Variants in GPC5 observed in about 807,000 individuals in gnomAD.
GPC5 encodes glypican-5.
In GPC5, 47 loss-of-function variants were observed where a neutral mutation model predicts 53.9. The ratio of observed to expected loss-of-function variants is 0.87; its 90% confidence interval spans 0.69 to 1.11. GPC5 has a LOEUF of 1.11. Among genes scored for constraint, GPC5 ranks in the 50% most tolerant of loss-of-function variants. GPC5 has a pLI of 0.00. For missense variants in GPC5, 748 were observed against 713.1 expected (o/e 1.05, Z -0.56); for synonymous variants, 286 against 263.3 (o/e 1.09, Z -0.84).
chr13:91,857,270 T>C (rs2138903805), intron 5 of GPC5, among the ~76,000 whole-genome samples: 1 of 151,458 alleles, frequency 6.6e-6, no homozygotes, highest in East Asian at 1.9e-4. Flanking sequence ...TATCAGTTTC[T>C]TCAAAATAGA....
At chr13:91,741,987 T>C (rs2036944382) in intron 4 of GPC5, among the ~76,000 whole-genome samples, 1 of 152,112 alleles carries the variant, frequency 6.6e-6, no homozygotes, top group Non-Finnish European at 1.5e-5. Context: ...AAAATAAAGG[T>C]CATGTTTTCA....
intron 5 of GPC5, among the ~76,000 whole-genome samples, chr13:91,851,733 G>A (rs2038916285): frequency 1.5e-5 from 2 of 136,112 alleles, no homozygotes; most frequent in Non-Finnish European, 3.1e-5. Context: ...TCCCACCTAT[G>A]AGTGAGAATA....
intron 6 of GPC5, among the ~76,000 whole-genome samples, chr13:92,031,714 CATATATGTAATATATTACATATT>C (rs2040844473): frequency 4.3e-5 from 1 of 23,146 alleles, no homozygotes; most frequent in African/African-American, 1.6e-4. Flanking sequence ...ATATATATTA[CATATATGTAATATATTACATATT>C]ATATATAATA....
chr13:92,000,560 A>AAATGACTTT (rs1366760960), intron 6 of GPC5, among the ~76,000 whole-genome samples: 2 of 152,192 alleles, frequency 1.3e-5, no homozygotes, highest in African/African-American at 4.8e-5. Context: ...TTTAGGCCTT[A>AAATGACTTT]AATGACTTTA....
At chr13:92,548,432 A>T (rs1298658771) in intron 7 of GPC5, among the ~76,000 whole-genome samples, 3 of 151,418 alleles carry the variant, frequency 2.0e-5, no homozygotes, top group Non-Finnish European at 4.4e-5. Context: ...GTTTTTAAAT[A>T]TATAAAATAT....
At chr13:92,543,460 G>A (rs542023161) in intron 7 of GPC5, among the ~76,000 whole-genome samples, 85 of 151,956 alleles carry the variant, frequency 5.6e-4, no homozygotes, top group Non-Finnish European at 1.0e-3. Context: ...TGTAGGGGAA[G>A]TGTGACTGCT....
intron 1 of GPC5, among the ~76,000 whole-genome samples, chr13:91,419,173 T>A (rs917026620): frequency 1.2e-4 from 18 of 152,128 alleles, no homozygotes; most frequent in African/African-American, 4.3e-4. Flanking sequence ...ATTCAATGTC[T>A]TAATAGTTTC....
intron 7 of GPC5, among the ~76,000 whole-genome samples, chr13:92,600,604 T>A (rs182482644): frequency 7.3e-5 from 11 of 151,678 alleles, no homozygotes; most frequent in Admixed American, 3.9e-4. Flanking sequence ...TTCAAGTGAA[T>A]CTCCTGCCTC....
chr13:92,231,826 C>T (rs1206341688), intron 7 of GPC5, among the ~76,000 whole-genome samples: 4 of 151,844 alleles, frequency 2.6e-5, no homozygotes, highest in Non-Finnish European at 5.9e-5. Flanking sequence ...ATTAGCTGGG[C>T]GTGGTGATGG....
intron 7 of GPC5, among the ~76,000 whole-genome samples, chr13:92,851,149 T>C (rs1326918157): frequency 6.6e-6 from 1 of 151,928 alleles, no homozygotes; most frequent in Non-Finnish European, 1.5e-5. Flanking sequence ...TAATGAGAAC[T>C]CACTCAGTAT....
intron 7 of GPC5, among the ~76,000 whole-genome samples, chr13:92,213,458 G>A (rs188116164): frequency 4.0e-5 from 6 of 151,226 alleles, no homozygotes; most frequent in Admixed American, 3.3e-4. Context: ...CTGAGAATCT[G>A]TCAGAAAATG....
chr13:92,016,727 CT>C (rs5805722), intron 6 of GPC5, among the ~76,000 whole-genome samples: 63,507 of 143,354 alleles, frequency 0.44, 14,121 homozygotes, highest in East Asian at 0.74. Flanking sequence ...TTCTTTTCTT[CT>C]TTTTTTTTTT....
At chr13:91,996,984 C>A (rs1258991416) in intron 6 of GPC5, among the ~76,000 whole-genome samples, 1 of 151,808 alleles carries the variant, frequency 6.6e-6, no homozygotes, top group Admixed American at 6.6e-5. Context: ...TTGTAAGTAT[C>A]TTAATTATAA....
rs561160393 is a variant in GPC5, at chr13:92,308,291, G to T, written c.1561+163302G>T. 5.3e-5 allele frequency among the ~76,000 whole-genome samples: 8 copies of T among 152,210 alleles called. No homozygotes were observed. In the South Asian group the frequency reaches 1.7e-3, roughly 32 times the overall value. On this transcript the variant is annotated intron_variant, in intron 7 of 7. Transcript: ENST00000377067. ...TTAGGGAATGTGCTTGCACTGTGCCGCCTGGCAGCCAAAATATTCAACAAA... is the reference window on the plus strand; with the variant it reads ...TTAGGGAATGTGCTTGCACTGTGCCTCCTGGCAGCCAAAATATTCAACAAA...
At chr13:91,671,193 C>T (rs2035235075) in intron 2 of GPC5, among the ~76,000 whole-genome samples, 1 of 151,986 alleles carries the variant, frequency 6.6e-6, no homozygotes, top group Non-Finnish European at 1.5e-5. Flanking sequence ...TTTCATTTAG[C>T]TTATTTTTCA....
chr13:92,559,337 T>C lies in GPC5; in HGVS notation c.1562-306945T>C, dbSNP rs570328286. 2.2e-5 allele frequency among the ~76,000 whole-genome samples: 3 copies of C among 137,124 alleles called. No individual in the cohort carries two copies. The East Asian group carries it at 6.0e-4, about 27-fold the overall frequency. The allele number at this position is 137,124 out of a possible 152,430, so 90.0% of individuals were successfully genotyped here. A position where few individuals can be genotyped will look rare whatever the true frequency, so the allele number is the denominator to read the frequency against. The stretch of plus-strand genomic sequence containing the variant: ...GCTCTTTGTAGTGTGTATATGTGTG[T>C]GTGTGTGTGTGTGTGTGTGTGTGTG... On this transcript the variant is annotated intron_variant, in intron 7 of 7. Coordinates refer to ENST00000377067, the MANE Select transcript of GPC5 (RefSeq NM_004466.6).
intron 5 of GPC5, among the ~76,000 whole-genome samples, chr13:91,907,224 C>G (rs540535637): frequency 4.7e-5 from 7 of 149,038 alleles, no homozygotes; most frequent in Non-Finnish European, 1.0e-4. Flanking sequence ...GAATTCTTAA[C>G]TCTAAGTCCC....
chr13:92,370,548 T>G (rs1416728728), intron 7 of GPC5, among the ~76,000 whole-genome samples: 1 of 151,936 alleles, frequency 6.6e-6, no homozygotes, highest in Non-Finnish European at 1.5e-5. Context: ...AAACAGCTTG[T>G]CAATCATCTC....
rs530515635 is a variant in GPC5, at chr13:91,683,990, T to A, written c.326-9197T>A. On this transcript the variant is annotated intron_variant, in intron 2 of 7. Coordinates refer to ENST00000377067, the MANE Select transcript of GPC5 (RefSeq NM_004466.6). The stretch of plus-strand genomic sequence containing the variant: ...TGTTATCAAGGTTGCTAAGGGCTTC[T>A]CTTTCTCATCAGTTCCCATGGTCAA... Among the ~76,000 whole-genome samples the A allele has an allele frequency of 7.1e-4, 108 of 152,344 alleles. 1 individual carries two copies. Among genetic ancestry groups the A allele is most frequent in the Non-Finnish European group, 1.2e-3 (80 of 68,030 alleles).
Sources: allele counts gnomAD v4.1 joint callset (sites outside exome capture counted in the v4.1 genomes callset), GRCh38; gene constraint gnomAD v4.1.1; transcripts MANE v1.5; gene names NCBI Gene and HGNC (gene_info 2026-07-23, HGNC 2026-07-21).